Variants in CEP85L observed in about 807,000 individuals in gnomAD.
The protein encoded by CEP85L is centrosomal protein 85L, also known as centrosomal protein of 85 kDa-like.
In CEP85L, 60 loss-of-function variants were observed where a neutral mutation model predicts 100.3. That is an observed-to-expected ratio of 0.60 (90% CI 0.49 to 0.74). The LOEUF (loss-of-function observed/expected upper bound fraction) is 0.74. CEP85L is among the 30% of genes least tolerant of loss of function. The probability of loss-of-function intolerance (pLI) is 0.00; values close to 1 mark genes in which losing one functional copy is unlikely to be tolerated. For synonymous variants in CEP85L, 319 were observed against 322.7 expected (o/e 0.99, Z 0.12); for missense variants, 973 against 936.2 (o/e 1.04, Z -0.51).
intron 3 of CEP85L, among the ~76,000 whole-genome samples, chr6:118,557,977 T>C (rs1055102823): frequency 3.9e-5 from 6 of 152,030 alleles, no homozygotes; most frequent in Non-Finnish European, 7.4e-5. Context: ...TTTTTTTTTT[T>C]TTCCTGGGAC....
rs1346541005 is a variant in CEP85L, at chr6:118,567,205, ATGTATGTGTG to A, written c.233-899_233-890del. Reference sequence around the variant, plus strand: ...TGTGTACATATATGTATGAATATATATGTATGTGTGTGTGTGTGTGTGTGTGTGTGTGTGT... The same window carrying A: ...TGTGTACATATATGTATGAATATATATGTGTGTGTGTGTGTGTGTGTGTGT... On this transcript the variant is annotated intron_variant, in intron 2 of 12. Transcript: ENST00000368491. Among the ~76,000 whole-genome samples, 17 of 77,262 alleles carry A rather than the reference ATGTATGTGTG, an allele frequency of 2.2e-4. 1 individual carries two copies. The South Asian group carries it at 3.0e-3, about 13-fold the overall frequency. 50.7% of individuals were successfully genotyped at this position (77,262 alleles called of 152,430 possible). A position where few individuals can be genotyped will look rare whatever the true frequency, so the allele number is the denominator to read the frequency against.
intron 1 of CEP85L, among the ~76,000 whole-genome samples, chr6:118,694,152 T>C (rs1043873637): frequency 1.3e-5 from 2 of 152,316 alleles, no homozygotes; most frequent in East Asian, 3.9e-4. Context: ...ACGATGCAGA[T>C]ATATCCAAAA....
chr6:118,618,854 C>T (rs1773247409), intron 2 of CEP85L, among the ~76,000 whole-genome samples: 1 of 152,178 alleles, frequency 6.6e-6, no homozygotes, highest in Non-Finnish European at 1.5e-5. Context: ...TGGGCCTTGA[C>T]ATGCAAGCAT....
chr6:118,642,758 A>C lies in CEP85L; in HGVS notation c.73+8439T>G, dbSNP rs146820957. ...GTGAAACCCTGTCTCTACTAAAAAT[A>C]TATATATATAATAAATTAGTCCAGC... On this transcript the variant is annotated intron_variant, in intron 1 of 12. Coordinates refer to ENST00000368491, the MANE Select transcript of CEP85L (RefSeq NM_001042475.3). 3.7e-3 allele frequency among the ~76,000 whole-genome samples: 566 copies of C among 151,972 alleles called. 3 individuals carry two copies. Among genetic ancestry groups the C allele is most frequent in the African/African-American group, 0.013 (540 of 41,484 alleles).
chr6:118,598,027 T>TAA (rs948781341), intron 2 of CEP85L, among the ~76,000 whole-genome samples: 4 of 152,212 alleles, frequency 2.6e-5, no homozygotes, highest in Admixed American at 2.6e-4. Context: ...GAATCTCAAG[T>TAA]AAATTTTTGA....
At chr6:118,491,268 G>C (rs1223643968) in intron 6 of CEP85L, among the ~76,000 whole-genome samples, 2 of 151,008 alleles carry the variant, frequency 1.3e-5, no homozygotes, top group African/African-American at 4.9e-5. Flanking sequence ...GTTCCTGTCT[G>C]TGTATTTGGT....
intron 2 of CEP85L, among the ~76,000 whole-genome samples, chr6:118,610,271 C>G (rs1440489534): frequency 6.6e-6 from 1 of 152,128 alleles, no homozygotes; most frequent in Admixed American, 6.5e-5. Flanking sequence ...CTTCTGGGAA[C>G]CTACACCCAT....
At position 118,709,532 on chromosome 6, in the gene CEP85L, CGTGT is replaced by C. The variant is rs1209782027; in HGVS notation, c.-28+500_-28+503del. Among the ~76,000 whole-genome samples, 16 of 87,214 alleles carry C rather than the reference CGTGT, an allele frequency of 1.8e-4. No homozygotes were observed. In the East Asian group the frequency reaches 4.2e-3, roughly 23 times the overall value. The allele number at this position is 87,214 out of a possible 152,430, so 57.2% of individuals were successfully genotyped here. ...AAAGATAACCAGTAACAACAATTGG[CGTGT>C]GTGTGTGTGTGTGTGTGTGTGAGAG... On this transcript the variant is annotated intron_variant, in intron 1 of 13. Transcript: ENST00000368488.
chr6:118,675,385 T>C (rs1396259796), intron 1 of CEP85L, among the ~76,000 whole-genome samples: 1 of 151,928 alleles, frequency 6.6e-6, no homozygotes, highest in Non-Finnish European at 1.5e-5. Flanking sequence ...GTTTCCTTTG[T>C]GGATGATGAA....
At chr6:118,695,050 A>G (rs1777162384) in intron 1 of CEP85L, among the ~76,000 whole-genome samples, 1 of 152,010 alleles carries the variant, frequency 6.6e-6, no homozygotes, top group Non-Finnish European at 1.5e-5. Context: ...TGTTCCACCC[A>G]TACTCTTTCC....
intron 1 of CEP85L, chr6:118,647,159 A>G (rs1409714478): frequency 1.5e-6 from 1 of 674,962 alleles, no homozygotes; most frequent in African/African-American, 2.0e-5. Flanking sequence ...TATTAGTTGT[A>G]ACCATACCAG....
chr6:118,626,787 A>C (rs944413126), intron 2 of CEP85L, among the ~76,000 whole-genome samples: 9 of 152,238 alleles, frequency 5.9e-5, no homozygotes, highest in African/African-American at 1.9e-4. Flanking sequence ...CTAGGCACAG[A>C]ACCTTGGGTG....
intron 3 of CEP85L, 147 bp from the exon 4 acceptor site, chr6:118,524,067 A>C (rs1243448819): frequency 5.0e-6 from 2 of 399,126 alleles, no homozygotes; most frequent in African/African-American, 4.2e-5. Flanking sequence ...CTATGAATAC[A>C]ACATAACTTG....
At chr6:118,600,298 G>GGGGT (rs1562297677) in intron 2 of CEP85L, among the ~76,000 whole-genome samples, 2 of 59,152 alleles carry the variant, frequency 3.4e-5, no homozygotes, top group Non-Finnish European at 7.9e-5. Context: ...AGCCTTCCTG[G>GGGGT]GGGTGTGTGT....
intron 12 of CEP85L, among the ~76,000 whole-genome samples, chr6:118,467,065 T>G (rs1464142225): frequency 1.3e-5 from 2 of 152,078 alleles, no homozygotes; most frequent in African/African-American, 4.8e-5. Flanking sequence ...GTGGTGTTAC[T>G]CACTGAGAAG....
chr6:118,580,632 T>C (rs1248622698), intron 2 of CEP85L, among the ~76,000 whole-genome samples: 2 of 152,158 alleles, frequency 1.3e-5, no homozygotes, highest in Non-Finnish European at 2.9e-5. Flanking sequence ...ACCTCGCCGT[T>C]GCGCAAGGCT....
chr6:118,564,769 G>A (rs1779407479), intron 3 of CEP85L, among the ~76,000 whole-genome samples: 2 of 152,154 alleles, frequency 1.3e-5, no homozygotes, highest in Admixed American at 6.5e-5. Context: ...AGAAAATTCT[G>A]ATGATAAAAA....
chr6:118,548,236 T>G (rs1778326495), intron 3 of CEP85L: 1 of 152,120 alleles, frequency 6.6e-6, no homozygotes, highest in South Asian at 2.1e-4. Context: ...AGAATTCCTA[T>G]GTGACATCAT....
At chr6:118,615,614 A>C (rs1772982937) in intron 2 of CEP85L, among the ~76,000 whole-genome samples, 1 of 152,124 alleles carries the variant, frequency 6.6e-6, no homozygotes, top group South Asian at 2.1e-4. Flanking sequence ...GTCTTTCTTT[A>C]CCTGGGGGTT....
Sources: gnomAD v4.1 joint callset for allele counts (sites outside exome capture counted in the v4.1 genomes callset) on GRCh38, gnomAD v4.1.1 for gene constraint, MANE v1.5 for transcripts, NCBI Gene and HGNC (gene_info 2026-07-23, HGNC 2026-07-21) for gene names.